Variants in PDK1 observed in about 807,000 individuals in gnomAD.
PDK1 encodes pyruvate dehydrogenase kinase 1.
A neutral mutation model predicts 54.2 loss-of-function variants in PDK1; 39 were observed. The observed-to-expected ratio is 0.72, with a 90% CI of 0.56 to 0.94. The LOEUF is 0.94. PDK1 is among the 40% of genes least tolerant of loss of function. The probability of loss-of-function intolerance (pLI) is 0.00; values close to 1 mark genes in which losing one functional copy is unlikely to be tolerated. For missense variants in PDK1, 552 were observed against 566.0 expected (o/e 0.98, Z 0.25); for synonymous variants, 221 against 207.1 (o/e 1.07, Z -0.58).
chr2:172,571,747 G>T (rs1019776763), intron 8 of PDK1, among the ~76,000 whole-genome samples: 30 of 150,146 alleles, frequency 2.0e-4, no homozygotes, highest in Non-Finnish European at 4.0e-4. Flanking sequence ...TAAATGCAGA[G>T]ACTATAAAAA....
the PDK1 span, among the ~76,000 whole-genome samples, chr2:172,642,510 C>A: frequency 1.3e-5 from 2 of 152,190 alleles, no homozygotes; most frequent in Non-Finnish European, 2.9e-5. Context: ...ATCTGGGACC[C>A]CACCCCAGAC....
the PDK1 span, among the ~76,000 whole-genome samples, chr2:172,629,801 C>G: frequency 0.12 from 18,983 of 152,216 alleles, 1,556 homozygotes; most frequent in Non-Finnish European, 0.19. Context: ...GAGTTCTGCT[C>G]CTGCCGATTG....
the PDK1 span, among the ~76,000 whole-genome samples, chr2:172,630,008 T>C: frequency 1.3e-5 from 2 of 152,240 alleles, no homozygotes; most frequent in African/African-American, 2.4e-5. Context: ...TGAGAAGGAT[T>C]GATTGATTAT....
At chr2:172,590,653 G>T (rs772778259) in intron 9 of PDK1, among the ~76,000 whole-genome samples, 19 of 152,144 alleles carry the variant, frequency 1.2e-4, no homozygotes, top group Non-Finnish European at 2.1e-4. Context: ...AAGATTTATT[G>T]TGAAGAGTGA....
the PDK1 span, among the ~76,000 whole-genome samples, chr2:172,691,724 A>G: frequency 1.3e-5 from 2 of 152,232 alleles, no homozygotes; most frequent in African/African-American, 2.4e-5. Flanking sequence ...AAGTTCCTCC[A>G]TGTCCGCTCA....
the PDK1 span, among the ~76,000 whole-genome samples, chr2:172,675,171 C>T: frequency 6.6e-6 from 1 of 152,194 alleles, no homozygotes; most frequent in Non-Finnish European, 1.5e-5. Context: ...CACTCTCTCT[C>T]TCCTCGGCCT....
At chr2:172,581,826 C>G (rs934018064) in intron 8 of PDK1, among the ~76,000 whole-genome samples, 1 of 152,180 alleles carries the variant, frequency 6.6e-6, no homozygotes, top group Non-Finnish European at 1.5e-5. Flanking sequence ...TTGTTTCTGT[C>G]TTACAGCCCT....
At chr2:172,556,448 G>T in intron 1 of PDK1, 102 bp downstream of exon 1, 1 of 804,176 alleles carries the variant, frequency 1.2e-6, no homozygotes. Context: ...CTCGCCTGAG[G>T]CGCACCCCTC....
chr2:172,670,053 TA>T, the PDK1 span, among the ~76,000 whole-genome samples: 310 of 150,894 alleles, frequency 2.1e-3, no homozygotes, highest in African/African-American at 6.6e-3. Context: ...GGCATAGATT[TA>T]AAAAAAAAAT....
At chr2:172,624,460 G>T in the PDK1 span, among the ~76,000 whole-genome samples, 1 of 152,176 alleles carries the variant, frequency 6.6e-6, no homozygotes, top group Non-Finnish European at 1.5e-5. Context: ...TAGGTTGCAT[G>T]TTCCTTAGGA....
the PDK1 span, among the ~76,000 whole-genome samples, chr2:172,634,368 G>C: frequency 6.7e-6 from 1 of 150,322 alleles, no homozygotes; most frequent in Non-Finnish European, 1.5e-5. Context: ...TGCCTCTCGG[G>C]TTCAAGCGAT....
chr2:172,665,654 CT>C, the PDK1 span, among the ~76,000 whole-genome samples: 1 of 152,176 alleles, frequency 6.6e-6, no homozygotes, highest in African/African-American at 2.4e-5. Context: ...TACCAGATTC[CT>C]TTTCTCTCTC....
chr2:172,704,801 G>A, the PDK1 span, among the ~76,000 whole-genome samples: 8 of 151,994 alleles, frequency 5.3e-5, no homozygotes, highest in Admixed American at 4.6e-4. Context: ...GCTAAGTGAA[G>A]AAATGGTCAC....
chr2:172,655,451 A>T, the PDK1 span, among the ~76,000 whole-genome samples: 1 of 151,792 alleles, frequency 6.6e-6, no homozygotes, highest in Admixed American at 6.6e-5. Flanking sequence ...AGCTCATTCC[A>T]CTCCTTTGGT....
chr2:172,655,945 G>A, the PDK1 span, among the ~76,000 whole-genome samples: 1 of 152,186 alleles, frequency 6.6e-6, no homozygotes, highest in Non-Finnish European at 1.5e-5. Context: ...CTAGCATGAA[G>A]CTTGGTTTCT....
chr2:172,558,712 A>C lies in PDK1; in HGVS notation c.201A>C (p.Ser67=). 6.2e-7 allele frequency: 1 copy of C among 1,600,840 alleles called. No individual in the cohort carries two copies. The highest frequency in any genetic ancestry group is 1.1e-5 in the South Asian group (1 of 88,932). The change falls in exon 2 of 11, where the codon TCA becomes TCC. Residue 67 remains serine (S), a synonymous_variant. Transcript: ENST00000282077. The stretch of plus-strand genomic sequence containing the variant: ...ACCCATCATGTTTGGTTTCAGGATC[A>C]GTGAATGCTTGTGAAAAGACCTCAT... ...LSMKQFLDFG[S]VNACEKTSFM... is the part of the protein sequence containing the mutation.
At chr2:172,720,116 C>CTTTT in the PDK1 span, among the ~76,000 whole-genome samples, 436 of 116,702 alleles carry the variant, frequency 3.7e-3, 8 homozygotes, top group Admixed American at 6.5e-3. Context: ...CTCTCTCTCT[C>CTTTT]TTTTTTTTTT....
chr2:172,671,348 C>T, the PDK1 span, among the ~76,000 whole-genome samples: 2 of 151,010 alleles, frequency 1.3e-5, no homozygotes, highest in African/African-American at 4.8e-5. Context: ...TAATTGATAT[C>T]TGATAATTAT....
intron 5 of PDK1, among the ~76,000 whole-genome samples, chr2:172,565,451 T>C (rs1254223090): frequency 1.3e-5 from 2 of 152,054 alleles, no homozygotes; most frequent in Admixed American, 6.5e-5. Context: ...TTACAGATGC[T>C]CAACACTACG....
Sources: gnomAD v4.1 joint callset for allele counts (sites outside exome capture counted in the v4.1 genomes callset) on GRCh38, gnomAD v4.1.1 for gene constraint, MANE v1.5 for transcripts, NCBI Gene and HGNC (gene_info 2026-07-23, HGNC 2026-07-21) for gene names.